Variants in MTMR14 observed in about 807,000 individuals in gnomAD.
The protein encoded by MTMR14 is phosphatidylinositol-3,5-bisphosphate 3-phosphatase MTMR14.
A neutral mutation model predicts 86.3 loss-of-function variants in MTMR14; 48 were observed. That is an observed-to-expected ratio of 0.56 (90% confidence interval 0.44 to 0.71). MTMR14 has a LOEUF of 0.71. MTMR14 is among the 30% of genes least tolerant of loss of function. The probability of loss-of-function intolerance (pLI) is 0.00; values close to 1 mark genes in which losing one functional copy is unlikely to be tolerated. For missense variants in MTMR14, 780 were observed against 834.6 expected, an observed-to-expected ratio of 0.93 and a Z score of 0.81; for synonymous variants, 366 against 326.1, an observed-to-expected ratio of 1.12 and a Z score of -1.32.
chr3:9,697,752 A>G lies in MTMR14; in HGVS notation c.1655A>G (p.Asp552Gly). 1 of 1,614,046 alleles carries G rather than the reference A, an allele frequency of 6.2e-7. No individual in the cohort carries two copies. Among genetic ancestry groups the G allele is most frequent in the Non-Finnish European group, 8.5e-7 (1 of 1,180,008 alleles). ...CTGCCCGGATCCTCTCTCTCCACAG[A>G]CTATGGCAGCTGGCAGATGGTAACG... ...HPLPGSSLST[D>G]YGSWQMVTGC... is the part of the protein sequence containing the mutation. Residue 552 changes from aspartate to glycine, a missense_variant, in exon 18 of 19, where the codon GAC becomes GGC. Physicochemically the swap from Asp to Gly is moderately conservative, Grantham distance 94 (BLOSUM62 -1). Coordinates refer to ENST00000296003, the MANE Select transcript of MTMR14 (RefSeq NM_001077525.3).
At chr3:9,664,951 GCATTTAC>G (rs2048162505) in intron 3 of MTMR14, among the ~76,000 whole-genome samples, 1 of 152,092 alleles carries the variant, frequency 6.6e-6, no homozygotes, top group Non-Finnish European at 1.5e-5. Context: ...GATGGATACC[GCATTTAC>G]CCTGATGTGA....
Position 9,701,383 on chromosome 3 carries a change from G to C in MTMR14, c.1770-407G>C. 1 of 300,308 alleles carries C rather than the reference G, an allele frequency of 3.3e-6. No individual in the cohort carries two copies. The highest frequency in any genetic ancestry group is 3.2e-5 in the South Asian group (1 of 31,608). The allele number at this position is 300,308 out of a possible 1,614,324, so 18.6% of individuals were successfully genotyped here. ...AGTTTGAGACCAGCCTGGGCAACAT[G>C]GTAAAACCCTATCATGGTGGCATGT... On this transcript the variant is annotated intron_variant, in intron 18 of 18. Coordinates refer to ENST00000296003, the MANE Select transcript of MTMR14 (RefSeq NM_001077525.3). The surrounding 1 kb of genome is among the most constrained non-coding windows in gnomAD (Gnocchi z 4.2).
At chr3:9,693,180 G>A (rs1041104664) in intron 17 of MTMR14, among the ~76,000 whole-genome samples, 5 of 152,092 alleles carry the variant, frequency 3.3e-5, no homozygotes, top group African/African-American at 7.2e-5. Context: ...CATATCTGTC[G>A]TTTCCACATC....
rs780115789 is a variant in MTMR14 at position 9,662,304 on chromosome 3, C to T, written c.346C>T (p.Leu116Phe). 1 of 1,613,332 alleles carries T rather than the reference C, an allele frequency of 6.2e-7. No homozygotes were observed. Among genetic ancestry groups the T allele is most frequent in the South Asian group, 1.1e-5 (1 of 91,010 alleles). ...STVQVSKLQD[L>F]IHRSKMARCR... ...CGTACAGGTGAGCAAGTTGCAAGAC[C>T]TCATCCACCGCAGCAAGATGGCCCG... The change falls in exon 3 of 19, where the codon CTC becomes TTC. Residue 116 changes from leucine (L) to phenylalanine (F), a missense_variant. Transcript: ENST00000296003.
chr3:9,650,577 C>T (rs867593924), intron 1 of MTMR14: 133 of 318,638 alleles, frequency 4.2e-4, no homozygotes, highest in African/African-American at 2.7e-3. Flanking sequence ...TGAAGTAACC[C>T]AGGGAAGACT....
At chr3:9,691,240 C>A (rs1449499376) in intron 17 of MTMR14, among the ~76,000 whole-genome samples, 3 of 152,212 alleles carry the variant, frequency 2.0e-5, no homozygotes, top group Non-Finnish European at 4.4e-5. Flanking sequence ...TGGAGCTGAG[C>A]CTGTGAAACC....
At chr3:9,668,919 C>T in intron 4 of MTMR14, 125 bp downstream of exon 4, 1 of 986,644 alleles carries the variant, frequency 1.0e-6, no homozygotes, top group Non-Finnish European at 1.6e-6. Flanking sequence ...GCGAGCGGAT[C>T]CCGAGGTCAG....
intron 7 of MTMR14, chr3:9,675,711 T>G: frequency 2.2e-6 from 1 of 457,072 alleles, no homozygotes; most frequent in South Asian, 1.5e-5. Context: ...AGAGTCTATT[T>G]TAATTCTGTT....
At chr3:9,651,870 C>T (rs563908773) in intron 1 of MTMR14, among the ~76,000 whole-genome samples, 3 of 148,374 alleles carry the variant, frequency 2.0e-5, no homozygotes, top group Non-Finnish European at 3.0e-5. Flanking sequence ...CTCACTCTGT[C>T]GCCCAGGCTG....
chr3:9,662,251 C>T lies in MTMR14; in HGVS notation c.309-16C>T, dbSNP rs760157068. The T allele has an allele frequency of 6.2e-7, 1 of 1,610,854 alleles. No individual in the cohort carries two copies. The highest frequency in any genetic ancestry group is 1.3e-5 in the African/African-American group (1 of 74,508). ...TTCAAAGTCAGCTTGACCTGCTTCT[C>T]TTGCCTGTGTGTTAGGTTTGAGAGT... On this transcript the variant is annotated splice_polypyrimidine_tract_variant and intron_variant, in intron 2 of 18. Transcript: ENST00000296003.
At chr3:9,657,963 C>G (rs1328685353) in intron 2 of MTMR14, among the ~76,000 whole-genome samples, 1 of 152,186 alleles carries the variant, frequency 6.6e-6, no homozygotes, top group Non-Finnish European at 1.5e-5. Context: ...GACTCTGTAC[C>G]TGTCTGCCTT....
rs759551245 is a variant in MTMR14, at chr3:9,678,049, C to G, written c.888C>G (p.Ser296Arg). 1.2e-6 allele frequency: 2 copies of G among 1,613,872 alleles called. No homozygotes were observed. Among genetic ancestry groups the G allele is most frequent in the South Asian group, 2.2e-5 (2 of 91,038 alleles). Residue 296 changes from serine to arginine, a missense_variant, in exon 9 of 19, where the codon AGC (serine) becomes AGG (arginine). Transcript: ENST00000296003. ...FLTHSLNIDWSQYQCWDLVQQ... is the reference protein window; with the variant it reads ...FLTHSLNIDWRQYQCWDLVQQ... ...CTCACTCTCTGAACATTGACTGGAG[C>G]CAGTATCAGGTGAGGGGCCTGACTC...
intron 2 of MTMR14, among the ~76,000 whole-genome samples, chr3:9,655,571 C>A (rs2047552343): frequency 6.8e-6 from 1 of 146,060 alleles, no homozygotes. Flanking sequence ...AGCAATTCTC[C>A]TGCCTCAGCC....
chr3:9,673,995 G>A (rs2048719048), intron 7 of MTMR14, among the ~76,000 whole-genome samples: 1 of 152,134 alleles, frequency 6.6e-6, no homozygotes, highest in South Asian at 2.1e-4. Context: ...GAGCTTGGCA[G>A]TATCAGACCC....
chr3:9,683,811 G>A (rs2075849184), intron 10 of MTMR14: 1 of 157,046 alleles, frequency 6.4e-6, no homozygotes, highest in Admixed American at 6.0e-5. Context: ...AACAGAGCCA[G>A]GTGAACATCA....
rs767668284 is a variant in MTMR14, at chr3:9,701,857, A to G, written c.1837A>G (p.Ser613Gly). 21 of 1,613,874 alleles carry G rather than the reference A, an allele frequency of 1.3e-5. No individual in the cohort carries two copies. The highest frequency in any genetic ancestry group is 5.3e-5 in the African/African-American group (4 of 74,952). ...EVRSAFLAAYSSTVGLRAVAP... is the reference protein window; with the variant it reads ...EVRSAFLAAYGSTVGLRAVAP... ...GCGCTCAGCCTTCTTGGCTGCGTAC[A>G]GCAGCACAGTGGGGCTTCGGGCAGT... The change falls in exon 19 of 19, where the codon AGC becomes GGC. Residue 613 changes from serine (S) to glycine (G), a missense_variant. By Grantham distance (56) the Ser-to-Gly change is moderately conservative (BLOSUM62 0). Coordinates refer to ENST00000296003, the MANE Select transcript of MTMR14 (RefSeq NM_001077525.3). The surrounding 1 kb of genome is among the most constrained non-coding windows in gnomAD (Gnocchi z 4.2).
chr3:9,669,345 A>C (rs144736392), intron 4 of MTMR14, 87 bp from the exon 5 acceptor site: 3 of 1,371,884 alleles, frequency 2.2e-6, no homozygotes. Flanking sequence ...CACCCTTGGC[A>C]CTATGGGGAA....
At chr3:9,676,899 C>T (rs1474579278) in intron 7 of MTMR14, among the ~76,000 whole-genome samples, 1 of 152,238 alleles carries the variant, frequency 6.6e-6, no homozygotes, top group East Asian at 1.9e-4. Context: ...TATTTGCCCC[C>T]ATTTTAGAGA....
rs991200544 is a variant in MTMR14 at position 9,687,953 on chromosome 3, G to T, written c.1235+62G>T. Reference sequence around the variant, plus strand: ...GCGCTCTGAGAAGGGCTGCTCCCTGGGAGGCAAGAGGCTGACCACCTCATT... The same window carrying T: ...GCGCTCTGAGAAGGGCTGCTCCCTGTGAGGCAAGAGGCTGACCACCTCATT... On this transcript the variant is annotated intron_variant, in intron 14 of 18. Coordinates refer to ENST00000296003, the MANE Select transcript of MTMR14 (RefSeq NM_001077525.3). 4 of 1,380,772 alleles carry T rather than the reference G, an allele frequency of 2.9e-6. No individual in the cohort carries two copies. In the African/African-American group the frequency reaches 5.7e-5, roughly 20 times the overall value. The allele number at this position is 1,380,772 out of a possible 1,614,324, so 85.5% of individuals were successfully genotyped here.
Sources: allele counts gnomAD v4.1 joint callset (sites outside exome capture counted in the v4.1 genomes callset), GRCh38; gene constraint gnomAD v4.1.1; non-coding constraint Gnocchi (gnomAD v3.1); transcripts MANE v1.5; gene names NCBI Gene and HGNC (gene_info 2026-07-23, HGNC 2026-07-21).